Variants in NRDE2 observed in about 807,000 individuals in gnomAD.
NRDE2 encodes the protein NRDE-2, necessary for RNA interference, domain containing.
NRDE2 carries 76 observed loss-of-function variants against 124.2 expected under a neutral mutation model. The ratio of observed to expected loss-of-function variants is 0.61; its 90% CI spans 0.51 to 0.74. The LOEUF (loss-of-function observed/expected upper bound fraction) is 0.74, where lower values mean the gene tolerates loss of function less well. NRDE2 is among the 30% of genes least tolerant of loss of function. The probability of loss-of-function intolerance (pLI) is 0.00; values close to 1 mark genes in which losing one functional copy is unlikely to be tolerated. For missense variants in NRDE2, 1,314 were observed against 1,417.3 expected (o/e 0.93, Z 1.17); for synonymous variants, 489 against 528.1 (o/e 0.93, Z 1.01).
At chr14:90,326,153 G>C (rs538379785) in intron 1 of NRDE2, among the ~76,000 whole-genome samples, 1 of 152,198 alleles carries the variant, frequency 6.6e-6, no homozygotes, top group Non-Finnish European at 1.5e-5. Flanking sequence ...ATAGAGTGTA[G>C]AGCGATCTCC....
chr14:90,297,932 TTC>T (rs1233179050), intron 8 of NRDE2, among the ~76,000 whole-genome samples: 1 of 97,604 alleles, frequency 1.0e-5, no homozygotes, highest in Non-Finnish European at 2.1e-5. Flanking sequence ...CAGAGCGAGA[TTC>T]TGTCTCAAAA....
rs764247349 is a variant in NRDE2, at chr14:90,298,344, G to T, written c.1582C>A (p.Pro528Thr). The change falls in exon 8 of 14, where the codon CCC becomes ACC. Residue 528 changes from proline (P) to threonine (T), a missense_variant. By Grantham distance (38) the Pro-to-Thr change is conservative. Coordinates refer to ENST00000354366, the MANE Select transcript of NRDE2 (RefSeq NM_017970.4). ...CGGGCTCCCTTCTCCCCAGCCCGGG[G>T]CTCTCCACTGTCCCAAAAGGGTTCA... ...FFEPFWDSGE[P>T]RAGEKGARGW... 8.1e-6 allele frequency: 13 copies of T among 1,613,578 alleles called. No individual in the cohort carries two copies. Among genetic ancestry groups the T allele is most frequent in the Admixed American group, 1.7e-5 (1 of 59,990 alleles).
At position 90,303,922 on chromosome 14, in the gene NRDE2, TG is replaced by T; in HGVS notation, c.1005+12del. The T allele has an allele frequency of 1.3e-6, 2 of 1,584,896 alleles. No individual in the cohort carries two copies. The highest frequency in any genetic ancestry group is 2.2e-5 in the East Asian group (1 of 44,508). Reference sequence around the variant, plus strand: ...TCCTTCTAAGGTAAGAGAATTGGGATGGCAACACATACCTGAAAAGCAACAA... The same window carrying T: ...TCCTTCTAAGGTAAGAGAATTGGGATGCAACACATACCTGAAAAGCAACAA... On this transcript the variant is annotated intron_variant, in intron 5 of 13. Coordinates refer to ENST00000354366, the MANE Select transcript of NRDE2 (RefSeq NM_017970.4).
chr14:90,303,609 T>C (rs893534896), intron 5 of NRDE2, among the ~76,000 whole-genome samples: 3 of 152,200 alleles, frequency 2.0e-5, no homozygotes, highest in African/African-American at 7.2e-5. Flanking sequence ...TCTCCCTACC[T>C]GGTGAACATC....
chr14:90,279,012 T>C (rs777358241), intron 13 of NRDE2, 50 bp downstream of exon 13: 1 of 1,324,720 alleles, frequency 7.5e-7, no homozygotes, highest in South Asian at 1.2e-5. Context: ...GACGGAGACC[T>C]GGCGGGAAGT....
chr14:90,330,253 C>G (rs193009369), intron 1 of NRDE2, among the ~76,000 whole-genome samples: 5 of 70,414 alleles, frequency 7.1e-5, no homozygotes, highest in African/African-American at 3.1e-4. Flanking sequence ...GTAATTAATC[C>G]TGCAGTTCAC....
rs1023356949 is a variant in NRDE2, at chr14:90,316,720, T to C, written c.265A>G (p.Lys89Glu). Residue 89 changes from lysine (K) to glutamate (E), a missense_variant, in exon 3 of 14, where the codon AAA (lysine) becomes GAA (glutamate). Physicochemically the swap from Lys to Glu is moderately conservative, Grantham distance 56 (BLOSUM62 1). Transcript: ENST00000354366. ...TTCTTATGATGCTGATGCTTCCTTT[T>C]TTTCTTTTTCTCTTTCTTCTTTTTT... is the stretch of plus-strand genomic sequence containing the variant. ...SRKKKKEKKK[K>E]RKHQHHKKTK... 2 of 1,613,866 alleles carry C rather than the reference T, an allele frequency of 1.2e-6. No individual in the cohort carries two copies. The highest frequency in any genetic ancestry group is 2.7e-5 in the African/African-American group (2 of 75,002).
In NRDE2 at chr14:90,276,163, T is replaced by A. The variant is rs1451959148; in HGVS notation, c.*2173A>T. ...AGCCCTCCAAGCTGACGGTTAGTCT[T>A]GGGAGGCACGTAGTCATCTTTCAGA... On this transcript the variant is annotated 3_prime_UTR_variant, in exon 14 of 14. Coordinates refer to ENST00000354366, the MANE Select transcript of NRDE2 (RefSeq NM_017970.4). 1 of 150,272 alleles carries A rather than the reference T, an allele frequency of 6.7e-6. No homozygotes were observed. The highest frequency in any genetic ancestry group is 2.0e-4 in the East Asian group (1 of 5,058). The allele number at this position is 150,272 out of a possible 1,614,324, so 9.3% of individuals were successfully genotyped here. A position where few individuals can be genotyped will look rare whatever the true frequency, so the allele number is the denominator to read the frequency against.
chr14:90,318,885 T>TA (rs1394893612), intron 1 of NRDE2, among the ~76,000 whole-genome samples: 3 of 152,180 alleles, frequency 2.0e-5, no homozygotes, highest in South Asian at 2.1e-4. Flanking sequence ...TAAGATCTTT[T>TA]AAAAAATATT....
At chr14:90,322,195 C>T (rs1443166205) in intron 1 of NRDE2, among the ~76,000 whole-genome samples, 2 of 152,282 alleles carry the variant, frequency 1.3e-5, no homozygotes, top group East Asian at 3.9e-4. Context: ...TACTCTAAGC[C>T]AAGGGTCAAA....
At chr14:90,292,669 C>A in intron 9 of NRDE2, 28 bp downstream of exon 9, 1 of 1,600,694 alleles carries the variant, frequency 6.2e-7, no homozygotes, top group African/African-American at 1.3e-5. Context: ...CCCTGGACAG[C>A]TTCCTGCCTG....
intron 4 of NRDE2, 169 bp from the exon 5 acceptor site, chr14:90,304,551 A>C: frequency 1.8e-6 from 1 of 567,774 alleles, no homozygotes; most frequent in Non-Finnish European, 3.1e-6. Flanking sequence ...CTAGTAATTA[A>C]CTTTCTTTCT....
In NRDE2 at chr14:90,301,226, C is replaced by T; in HGVS notation, c.1545+13G>A. 1 of 1,612,904 alleles carries T rather than the reference C, an allele frequency of 6.2e-7. No individual in the cohort carries two copies. Among genetic ancestry groups the T allele is most frequent in the South Asian group, 1.1e-5 (1 of 91,034 alleles). ...GCCAGGAAGAGAGAGATGAGGCGAG[C>T]AGAGCTGGGTACCTGTCCTTTGGTA... On this transcript the variant is annotated intron_variant, in intron 7 of 13. Coordinates refer to ENST00000354366, the MANE Select transcript of NRDE2 (RefSeq NM_017970.4).
intron 1 of NRDE2, among the ~76,000 whole-genome samples, chr14:90,330,740 T>G (rs1259361723): frequency 6.6e-6 from 1 of 150,408 alleles, no homozygotes; most frequent in East Asian, 2.0e-4. Flanking sequence ...CCCAGGAGTC[T>G]GAGGCGGCAG....
At chr14:90,329,269 T>C (rs561697249) in intron 1 of NRDE2, among the ~76,000 whole-genome samples, 1 of 152,338 alleles carries the variant, frequency 6.6e-6, no homozygotes, top group East Asian at 1.9e-4. Context: ...CCAAGGCTCC[T>C]CTTTATGCCA....
chr14:90,324,774 T>G (rs1407528452), intron 1 of NRDE2, among the ~76,000 whole-genome samples: 1 of 152,186 alleles, frequency 6.6e-6, no homozygotes, highest in Non-Finnish European at 1.5e-5. Context: ...CAGAAGTTAC[T>G]TACTGGTTCC....
chr14:90,320,758 A>G (rs1457156102), intron 1 of NRDE2, among the ~76,000 whole-genome samples: 1 of 152,242 alleles, frequency 6.6e-6, no homozygotes, highest in African/African-American at 2.4e-5. Context: ...ACAGCAGGCC[A>G]AACACCAGGC....
chr14:90,326,526 G>A (rs1885447198), intron 1 of NRDE2, among the ~76,000 whole-genome samples: 1 of 151,400 alleles, frequency 6.6e-6, no homozygotes, highest in African/African-American at 2.4e-5. Context: ...AAAGAGAGAG[G>A]GAAAATGTAG....
In NRDE2 at chr14:90,276,223, T is replaced by TTA. The variant is rs1281391612; in HGVS notation, c.*2112_*2113insTA. 1 of 148,304 alleles carries TTA rather than the reference T, an allele frequency of 6.7e-6. No homozygotes were observed. Among genetic ancestry groups the TTA allele is most frequent in the East Asian group, 2.0e-4 (1 of 5,024 alleles). The allele number at this position is 148,304 out of a possible 1,614,324, so 9.2% of individuals were successfully genotyped here. A position where few individuals can be genotyped will look rare whatever the true frequency, so the allele number is the denominator to read the frequency against. On this transcript the variant is annotated 3_prime_UTR_variant, in exon 14 of 14. Coordinates refer to ENST00000354366, the MANE Select transcript of NRDE2 (RefSeq NM_017970.4). ...CAGCAATCTCAAACGGGCTGTTTTT[T>TTA]TTTTTTTTTTTTCGAGACGGAGTCT... is the stretch of plus-strand genomic sequence containing the variant.
Sources: allele counts gnomAD v4.1 joint callset (sites outside exome capture counted in the v4.1 genomes callset), GRCh38; gene constraint gnomAD v4.1.1; transcripts MANE v1.5; gene names NCBI Gene and HGNC (gene_info 2026-07-23, HGNC 2026-07-21).